The following FRMD4A variants were observed in gnomAD, a reference collection of about 807,000 sequenced individuals.
FRMD4A encodes FERM domain-containing protein 4A.
FRMD4A carries 29 observed loss-of-function variants against 129.1 expected under a neutral mutation model. The observed-to-expected ratio is 0.22, with a 90% CI of 0.17 to 0.31. FRMD4A has a LOEUF of 0.31. Among genes scored for constraint, FRMD4A ranks in the 10% least tolerant of loss-of-function variants. The pLI, the probability that FRMD4A is intolerant of heterozygous loss-of-function variation, is 1.00. For missense variants in FRMD4A, 1,272 were observed against 1,375.8 expected, an observed-to-expected ratio of 0.92 and a Z score of 1.19; for synonymous variants, 634 against 571.6, an observed-to-expected ratio of 1.11 and a Z score of -1.56.
At chr10:13,709,324 C>G (rs1227797595) in intron 12 of FRMD4A, among the ~76,000 whole-genome samples, 1 of 152,122 alleles carries the variant, frequency 6.6e-6, no homozygotes, top group Non-Finnish European at 1.5e-5. Flanking sequence ...TCAGTTTTCC[C>G]CTCTGTAAAA....
chr10:14,001,979 G>A (rs1301827006), intron 2 of FRMD4A, among the ~76,000 whole-genome samples: 1 of 152,184 alleles, frequency 6.6e-6, no homozygotes, highest in Non-Finnish European at 1.5e-5. Flanking sequence ...AGACTCTGTT[G>A]TATTCCGAAT....
intron 2 of FRMD4A, among the ~76,000 whole-genome samples, chr10:14,277,679 G>T (rs757405282): frequency 9.2e-5 from 14 of 152,232 alleles, no homozygotes; most frequent in Non-Finnish European, 2.1e-4. Context: ...GAACCTTGAG[G>T]CAACGCCTCC....
At chr10:14,028,141 T>G (rs1833068699) in intron 2 of FRMD4A, among the ~76,000 whole-genome samples, 2 of 152,250 alleles carry the variant, frequency 1.3e-5, no homozygotes, top group African/African-American at 2.4e-5. Context: ...TATATTTTTT[T>G]GATAATTATG....
chr10:13,925,062 T>TAAAAAAAA (rs57484737), intron 2 of FRMD4A, among the ~76,000 whole-genome samples: 25 of 103,200 alleles, frequency 2.4e-4, no homozygotes, highest in African/African-American at 5.3e-4. Context: ...AGACTCCGTG[T>TAAAAAAAA]AAAAAAAAAA....
intron 2 of FRMD4A, among the ~76,000 whole-genome samples, chr10:14,322,328 G>A (rs904720913): frequency 1.3e-5 from 2 of 152,116 alleles, no homozygotes; most frequent in African/African-American, 4.8e-5. Context: ...AAGCACAAAG[G>A]CACCACCACC....
At chr10:13,673,863 C>A (rs1478360624) in intron 16 of FRMD4A, among the ~76,000 whole-genome samples, 1 of 146,196 alleles carries the variant, frequency 6.8e-6, no homozygotes, top group Non-Finnish European at 1.5e-5. Flanking sequence ...GCAGTCTCAA[C>A]CTTTCAGGCT....
intron 2 of FRMD4A, among the ~76,000 whole-genome samples, chr10:14,044,183 C>G (rs532623878): frequency 6.6e-6 from 1 of 152,314 alleles, no homozygotes; most frequent in Admixed American, 6.5e-5. Flanking sequence ...TTGTCCAACC[C>G]AGTTGATTCT....
intron 2 of FRMD4A, among the ~76,000 whole-genome samples, chr10:14,067,710 G>A (rs1055801458): frequency 6.6e-6 from 1 of 152,112 alleles, no homozygotes; most frequent in Non-Finnish European, 1.5e-5. Context: ...CCAGCTACTC[G>A]GGAGGCTGAG....
At chr10:14,170,640 A>G (rs1235045498) in intron 2 of FRMD4A, among the ~76,000 whole-genome samples, 1 of 152,192 alleles carries the variant, frequency 6.6e-6, no homozygotes, top group East Asian at 1.9e-4. Flanking sequence ...CGAAATAGTT[A>G]ATCAACTTTT....
intron 2 of FRMD4A, among the ~76,000 whole-genome samples, chr10:14,314,354 T>A (rs926120623): frequency 3.3e-5 from 5 of 152,134 alleles, no homozygotes; most frequent in Admixed American, 2.6e-4. Flanking sequence ...ACCCTAGCTG[T>A]AAGGAAGGCA....
chr10:13,910,003 T>TTAA (rs1419222492), intron 2 of FRMD4A, among the ~76,000 whole-genome samples: 1 of 152,242 alleles, frequency 6.6e-6, no homozygotes, highest in Admixed American at 6.5e-5. Context: ...TCTTAATACA[T>TTAA]TCTTGGACAG....
At chr10:14,047,620 C>T (rs1439704463) in intron 2 of FRMD4A, among the ~76,000 whole-genome samples, 1 of 152,116 alleles carries the variant, frequency 6.6e-6, no homozygotes, top group East Asian at 1.9e-4. Flanking sequence ...AAGAAGAGCC[C>T]CATTGTACTA....
At chr10:14,225,519 G>A (rs950192131) in intron 2 of FRMD4A, among the ~76,000 whole-genome samples, 5 of 152,238 alleles carry the variant, frequency 3.3e-5, no homozygotes, top group Non-Finnish European at 7.3e-5. Context: ...AATTCTTTTA[G>A]ATGAGATTTG....
At chr10:13,676,141 C>T (rs2083962178) in intron 15 of FRMD4A, among the ~76,000 whole-genome samples, 2 of 152,068 alleles carry the variant, frequency 1.3e-5, no homozygotes, top group African/African-American at 4.8e-5. Flanking sequence ...TTCTGGGCTG[C>T]CAGTGTTTGG....
rs773230402 is a variant in FRMD4A, at chr10:14,314,231, C to T, written c.45+15827G>A. On this transcript the variant is annotated intron_variant, in intron 2 of 24. Coordinates refer to ENST00000357447, the MANE Select transcript of FRMD4A (RefSeq NM_018027.5). ...AAATAACCTAACACTTTTGCCACCTCGCATGCAAGAAAATCTGATCCACAA... is the reference window on the plus strand; with the variant it reads ...AAATAACCTAACACTTTTGCCACCTTGCATGCAAGAAAATCTGATCCACAA... Among the ~76,000 whole-genome samples the T allele has an allele frequency of 7.9e-5, 12 of 151,992 alleles. No homozygotes were observed. In the South Asian group the frequency reaches 8.3e-4, roughly 10 times the overall value.
At chr10:13,922,514 T>C (rs761173406) in intron 2 of FRMD4A, among the ~76,000 whole-genome samples, 2 of 152,104 alleles carry the variant, frequency 1.3e-5, no homozygotes, top group Non-Finnish European at 2.9e-5. Context: ...AGTATACAGG[T>C]GGTTTATTTT....
In FRMD4A at chr10:13,646,884, G is replaced by T; in HGVS notation, c.*154C>A. On this transcript the variant is annotated 3_prime_UTR_variant, in exon 25 of 25. Coordinates refer to ENST00000357447, the MANE Select transcript of FRMD4A (RefSeq NM_018027.5). ...CTGGGTAAGGCAAATGAGAGGCAGT[G>T]AGGTGATCTCAGAATGGCGTTGAGG... The T allele has an allele frequency of 2.6e-6, 1 of 384,996 alleles. No homozygotes were observed. Among genetic ancestry groups the T allele is most frequent in the Non-Finnish European group, 3.6e-6 (1 of 279,908 alleles). 23.8% of individuals were successfully genotyped at this position (384,996 alleles called of 1,614,324 possible). A position where few individuals can be genotyped will look rare whatever the true frequency, so the allele number is the denominator to read the frequency against.
intron 2 of FRMD4A, among the ~76,000 whole-genome samples, chr10:14,230,240 C>T (rs1415970431): frequency 1.3e-5 from 2 of 152,174 alleles, no homozygotes; most frequent in African/African-American, 2.4e-5. Context: ...GGGACAAAAA[C>T]ACCAAATTTA....
At chr10:13,723,394 G>A (rs1400435747) in intron 12 of FRMD4A, among the ~76,000 whole-genome samples, 4 of 152,180 alleles carry the variant, frequency 2.6e-5, no homozygotes, top group African/African-American at 7.2e-5. Context: ...ACTTATATGA[G>A]TGTTCAAACT....
Sources: allele counts gnomAD v4.1 joint callset (sites outside exome capture counted in the v4.1 genomes callset), GRCh38; gene constraint gnomAD v4.1.1; transcripts MANE v1.5; gene names NCBI Gene and HGNC (gene_info 2026-07-23, HGNC 2026-07-21).